Variants in FBXO31 observed in about 807,000 individuals in gnomAD.
FBXO31 encodes F-box protein 31, also known as F-box only protein 31.
A neutral mutation model predicts 54.4 loss-of-function variants in FBXO31; 24 were observed. The ratio of observed to expected loss-of-function variants is 0.44; its 90% confidence interval spans 0.32 to 0.62. The LOEUF is 0.62. Among genes scored for constraint, FBXO31 ranks in the 20% least tolerant of loss-of-function variants. The pLI, the probability that FBXO31 is intolerant of heterozygous loss-of-function variation, is 0.05. For synonymous variants in FBXO31, 388 were observed against 335.6 expected, an observed-to-expected ratio of 1.16 and a Z score of -1.71; for missense variants, 665 against 787.1, an observed-to-expected ratio of 0.84 and a Z score of 1.86.
chr16:87,343,700 A>G lies in FBXO31; in HGVS notation c.555T>C (p.Pro185=), dbSNP rs1302462115. ...LPPHDPHVDD[P]MRFKPLFRIH... ...TCCTGAACAGAGGCTTGAATCTCATAGGGTCATCGACGTGGGGGTCATGGG... is the reference window on the plus strand; with the variant it reads ...TCCTGAACAGAGGCTTGAATCTCATGGGGTCATCGACGTGGGGGTCATGGG... The change falls in exon 4 of 9, where the codon CCT becomes CCC. Residue 185 remains proline (P), a synonymous_variant. Coordinates refer to ENST00000311635, the MANE Select transcript of FBXO31 (RefSeq NM_024735.5). 1 of 1,614,238 alleles carries G rather than the reference A, an allele frequency of 6.2e-7. No individual in the cohort carries two copies. The highest frequency in any genetic ancestry group is 1.1e-5 in the South Asian group (1 of 91,086).
chr16:87,334,392 C>A (rs1046414737), intron 7 of FBXO31, 106 bp from the exon 8 acceptor site: 11 of 1,059,772 alleles, frequency 1.0e-5, no homozygotes, highest in African/African-American at 1.6e-5. Flanking sequence ...CTGGCACCAG[C>A]CCTCCTACTG....
At chr16:87,365,010 A>ATATATATATATATATATATATAT (rs1906293303) in intron 1 of FBXO31, among the ~76,000 whole-genome samples, 2 of 47,684 alleles carry the variant, frequency 4.2e-5, no homozygotes, top group African/African-American at 1.0e-4. Context: ...CCGTCTCTTA[A>ATATATATATATATATATATATAT]ATATATATAT....
intron 1 of FBXO31, among the ~76,000 whole-genome samples, chr16:87,370,637 G>GAGAGGGCCCTGTGAGACAGGC (rs1906561624): frequency 6.6e-6 from 1 of 152,168 alleles, no homozygotes; most frequent in Admixed American, 6.5e-5. Context: ...GAACCCGAGG[G>GAGAGGGCCCTGTGAGACAGGC]AGAGGGCCCT....
rs531618045 is a variant in FBXO31, at chr16:87,336,736, G to A, written c.733-472C>T. Among the ~76,000 whole-genome samples, 3 of 152,152 alleles carry A rather than the reference G, an allele frequency of 2.0e-5. No homozygotes were observed. The highest frequency in any genetic ancestry group is 4.4e-5 in the Non-Finnish European group (3 of 68,036). On this transcript the variant is annotated intron_variant, in intron 5 of 8. Coordinates refer to ENST00000311635, the MANE Select transcript of FBXO31 (RefSeq NM_024735.5). The surrounding 1 kb of genome is among the most constrained non-coding windows in gnomAD (Gnocchi z 6.5). Reference sequence around the variant, plus strand: ...TGAGCCGTGCGAGTCAGCCAAGGACGATGCACTGAGCCCTCGGCCAGTGAC... The same window carrying A: ...TGAGCCGTGCGAGTCAGCCAAGGACAATGCACTGAGCCCTCGGCCAGTGAC...
chr16:87,361,603 G>T (rs575179352), intron 1 of FBXO31, among the ~76,000 whole-genome samples: 1 of 152,212 alleles, frequency 6.6e-6, no homozygotes. Flanking sequence ...GATACGATGC[G>T]GTCAGGCTAG....
intron 1 of FBXO31, among the ~76,000 whole-genome samples, chr16:87,362,139 C>A (rs544860868): frequency 4.0e-5 from 6 of 151,312 alleles, no homozygotes; most frequent in Admixed American, 1.3e-4. Flanking sequence ...AGATCTAGGC[C>A]GGGGCTGCCC....
At chr16:87,386,508 C>A (rs567167798), upstream of FBXO31, among the ~76,000 whole-genome samples, 400 of 152,348 alleles carry the variant, frequency 2.6e-3, no homozygotes, top group African/African-American at 9.0e-3. Flanking sequence ...TCTCAGCTCA[C>A]TGCAGCCCCC....
At chr16:87,389,010 A>G (rs1474376837) in intron 1 of FBXO31, among the ~76,000 whole-genome samples, 1 of 152,196 alleles carries the variant, frequency 6.6e-6, no homozygotes, top group Non-Finnish European at 1.5e-5. Flanking sequence ...ATTGTTCACT[A>G]CTATATTAAA....
At chr16:87,351,974 G>A (rs1005839080) in intron 2 of FBXO31, among the ~76,000 whole-genome samples, 1 of 152,180 alleles carries the variant, frequency 6.6e-6, no homozygotes, top group African/African-American at 2.4e-5. Flanking sequence ...CTAGGGACAC[G>A]AGAAAACGTC....
chr16:87,366,304 T>C (rs910783988), intron 1 of FBXO31, among the ~76,000 whole-genome samples: 2 of 152,188 alleles, frequency 1.3e-5, no homozygotes, highest in Non-Finnish European at 2.9e-5. Context: ...TCAGAGCATA[T>C]GGGAACTCTC....
In FBXO31 at chr16:87,338,201, A is replaced by C. The variant is rs1905088473; in HGVS notation, c.733-1937T>G. On this transcript the variant is annotated intron_variant, in intron 5 of 8. Transcript: ENST00000311635. This position sits in a 1 kb window ranked among gnomAD's most constrained non-coding sequence, Gnocchi z 4.3. The stretch of plus-strand genomic sequence containing the variant: ...GGCCGTCCCAAGCATGTTTATTATG[A>C]AATTACTCATCAGAGCAACACATAC... Among the ~76,000 whole-genome samples, 1 of 152,018 alleles carries C rather than the reference A, an allele frequency of 6.6e-6. No homozygotes were observed. Among genetic ancestry groups the C allele is most frequent in the Non-Finnish European group, 1.5e-5 (1 of 67,984 alleles).
upstream of FBXO31, among the ~76,000 whole-genome samples, chr16:87,391,185 T>G (rs1165738615): frequency 6.6e-6 from 1 of 152,082 alleles, no homozygotes; most frequent in Non-Finnish European, 1.5e-5. Context: ...ATCCCGGCTC[T>G]ACTCCCAGCT....
intron 4 of FBXO31, 82 bp downstream of exon 4, chr16:87,343,516 G>A (rs1005384340): frequency 1.3e-6 from 2 of 1,492,436 alleles, no homozygotes; most frequent in Non-Finnish European, 1.8e-6. Context: ...GTCTGCAGCT[G>A]AGAATAGCAC....
chr16:87,347,742 G>A (rs573485381), intron 2 of FBXO31, among the ~76,000 whole-genome samples: 2 of 148,888 alleles, frequency 1.3e-5, no homozygotes, highest in East Asian at 4.0e-4. Flanking sequence ...TAAGTAAAAT[G>A]AGTCTCCCAT....
In FBXO31 at chr16:87,334,427, A is replaced by C. The variant is rs528538676; in HGVS notation, c.997-141T>G. 11 of 737,306 alleles carry C rather than the reference A, an allele frequency of 1.5e-5. No individual in the cohort carries two copies. The Admixed American group carries it at 3.1e-4, about 21-fold the overall frequency. The allele number at this position is 737,306 out of a possible 1,614,324, so 45.7% of individuals were successfully genotyped here. A position where few individuals can be genotyped will look rare whatever the true frequency, so the allele number is the denominator to read the frequency against. On this transcript the variant is annotated intron_variant, in intron 7 of 8. Transcript: ENST00000311635. ...GACTTAGCAACGTCCCTTACAGAAG[A>C]AGAAGTCTCAGAATCCCTTAGAAAG...
Position 87,378,830 on chromosome 16 carries a change from C to T in FBXO31, c.340+4575G>A, listed in dbSNP as rs184533140. Among the ~76,000 whole-genome samples the T allele has an allele frequency of 2.3e-3, 342 of 151,930 alleles. 2 individuals carry two copies. The highest frequency in any genetic ancestry group is 0.02 in the Admixed American group (302 of 15,252). On this transcript the variant is annotated intron_variant, in intron 1 of 8. Coordinates refer to ENST00000311635, the MANE Select transcript of FBXO31 (RefSeq NM_024735.5). ...CAAAAAATTTAGCAGGGCACGGTGG[C>T]GGGCGCCTGTAGTCCCAGCTACTCG...
Position 87,383,393 on chromosome 16 carries a change from C to G in FBXO31, c.340+12G>C, listed in dbSNP as rs1374926740. The G allele has an allele frequency of 1.3e-6, 2 of 1,531,722 alleles. No individual in the cohort carries two copies. The highest frequency in any genetic ancestry group is 1.8e-6 in the Non-Finnish European group (2 of 1,140,132). 94.9% of individuals were successfully genotyped at this position (1,531,722 alleles called of 1,614,324 possible). A position where few individuals can be genotyped will look rare whatever the true frequency, so the allele number is the denominator to read the frequency against. ...CCCGCCCCTCCCGGCCCCGCCACCC[C>G]CGCGCGCTCACCCTCACGGCAACGC... On this transcript the variant is annotated intron_variant, in intron 1 of 8. Transcript: ENST00000311635. This position sits in a 1 kb window ranked among gnomAD's most constrained non-coding sequence, Gnocchi z 4.9.
chr16:87,370,180 G>A (rs951523894), intron 1 of FBXO31, among the ~76,000 whole-genome samples: 4 of 152,160 alleles, frequency 2.6e-5, no homozygotes, highest in Non-Finnish European at 5.9e-5. Context: ...TCAGGGGCCC[G>A]GGGAAGACTC....
At chr16:87,343,492 CTG>C in intron 4 of FBXO31, 104 bp downstream of exon 4, 1 of 1,382,920 alleles carries the variant, frequency 7.2e-7, no homozygotes, top group Non-Finnish European at 9.8e-7. Context: ...ACCCGCCGAT[CTG>C]CTACAGCCCA....
Sources: allele counts gnomAD v4.1 joint callset (sites outside exome capture counted in the v4.1 genomes callset), GRCh38; gene constraint gnomAD v4.1.1; non-coding constraint Gnocchi (gnomAD v3.1); transcripts MANE v1.5; gene names NCBI Gene and HGNC (gene_info 2026-07-23, HGNC 2026-07-21).